Variants in XRCC4 observed in about 807,000 individuals in gnomAD.
XRCC4 encodes X-ray repair cross complementing 4, also known as DNA repair protein XRCC4.
A neutral mutation model predicts 39.1 loss-of-function variants in XRCC4; 28 were observed. That is an observed-to-expected ratio of 0.72 (90% CI 0.53 to 0.98). The LOEUF (loss-of-function observed/expected upper bound fraction) is 0.98, where lower values mean the gene tolerates loss of function less well. Among genes scored for constraint, XRCC4 ranks in the 50% least tolerant of loss-of-function variants. XRCC4 has a pLI of 0.00. For missense variants in XRCC4, 350 were observed against 376.4 expected (o/e 0.93, Z 0.58); for synonymous variants, 123 against 126.4 (o/e 0.97, Z 0.18).
At chr5:83,142,897 G>T (rs1459420448) in intron 3 of XRCC4, among the ~76,000 whole-genome samples, 2 of 152,076 alleles carry the variant, frequency 1.3e-5, no homozygotes, top group African/African-American at 2.4e-5. Context: ...GAAATTATTT[G>T]TTTAAATAAT....
intron 1 of XRCC4, among the ~76,000 whole-genome samples, chr5:83,079,725 G>T (rs1361846677): frequency 4.6e-5 from 7 of 151,920 alleles, no homozygotes; most frequent in Non-Finnish European, 8.8e-5. Flanking sequence ...TGTAGAGACA[G>T]GGCTCACTAT....
intron 7 of XRCC4, among the ~76,000 whole-genome samples, chr5:83,288,191 G>T (rs1754798715): frequency 6.6e-6 from 1 of 151,866 alleles, no homozygotes; most frequent in African/African-American, 2.4e-5. Context: ...ACAGAATGTG[G>T]TCTGTCTCTG....
At chr5:83,214,855 T>G (rs28760880) in intron 6 of XRCC4, among the ~76,000 whole-genome samples, 1 of 130,762 alleles carries the variant, frequency 7.6e-6, no homozygotes, top group Admixed American at 8.0e-5. Flanking sequence ...AAAATAATAA[T>G]AATAAAAATA....
At chr5:83,096,315 A>G (rs922232513) in intron 1 of XRCC4, among the ~76,000 whole-genome samples, 1 of 151,852 alleles carries the variant, frequency 6.6e-6, no homozygotes, top group Non-Finnish European at 1.5e-5. Flanking sequence ...GGAACCACAG[A>G]TGAGGGGGGC....
At chr5:83,187,811 C>A (rs1238141646) in intron 3 of XRCC4, among the ~76,000 whole-genome samples, 1 of 152,116 alleles carries the variant, frequency 6.6e-6, no homozygotes, top group East Asian at 1.9e-4. Context: ...GGCTGTTGAA[C>A]ACTAAAATGT....
chr5:83,343,867 A>T (rs1351307311), intron 7 of XRCC4, among the ~76,000 whole-genome samples: 1 of 152,004 alleles, frequency 6.6e-6, no homozygotes, highest in East Asian at 1.9e-4. Flanking sequence ...TTGTTAACCT[A>T]CTCAAAATAT....
intron 3 of XRCC4, among the ~76,000 whole-genome samples, chr5:83,144,521 T>TTTTG (rs143945470): frequency 0.43 from 55,484 of 129,550 alleles, 13,327 homozygotes; most frequent in African/African-American, 0.53. Context: ...ATGTTTTCTT[T>TTTTG]TTTGTTTGTT....
intron 6 of XRCC4, among the ~76,000 whole-genome samples, chr5:83,243,100 G>A (rs1407566935): frequency 6.6e-6 from 1 of 152,082 alleles, no homozygotes; most frequent in African/African-American, 2.4e-5. Flanking sequence ...TGGAATAATA[G>A]TCTAGAAGTA....
intron 7 of XRCC4, among the ~76,000 whole-genome samples, chr5:83,295,387 C>T (rs1322104427): frequency 6.6e-6 from 1 of 152,022 alleles, no homozygotes; most frequent in East Asian, 1.9e-4. Context: ...AAAAGGCACC[C>T]ACGTCGTCAT....
At chr5:83,160,809 C>G (rs1325374846) in intron 3 of XRCC4, among the ~76,000 whole-genome samples, 2 of 151,904 alleles carry the variant, frequency 1.3e-5, no homozygotes, top group Non-Finnish European at 2.9e-5. Context: ...CCTCTACCCA[C>G]CCCGCCACCC....
At chr5:83,209,570 T>C (rs1751559916) in intron 6 of XRCC4, among the ~76,000 whole-genome samples, 1 of 152,086 alleles carries the variant, frequency 6.6e-6, no homozygotes, top group African/African-American at 2.4e-5. Flanking sequence ...AGTGGAAAAT[T>C]TGAATTTATA....
intron 3 of XRCC4, among the ~76,000 whole-genome samples, chr5:83,162,782 A>G (rs1749276493): frequency 6.6e-6 from 1 of 152,176 alleles, no homozygotes; most frequent in Non-Finnish European, 1.5e-5. Flanking sequence ...GAGGACTTTC[A>G]TCTTGTCCCT....
At chr5:83,177,517 C>T (rs528456917) in intron 3 of XRCC4, among the ~76,000 whole-genome samples, 2 of 147,744 alleles carry the variant, frequency 1.4e-5, no homozygotes, top group Admixed American at 6.9e-5. Context: ...CATTGAGAAA[C>T]GTGATGAACA....
downstream of XRCC4, among the ~76,000 whole-genome samples, chr5:83,357,733 C>T (rs1033400837): frequency 6.6e-6 from 1 of 152,080 alleles, no homozygotes; most frequent in Non-Finnish European, 1.5e-5. Context: ...GTATGAGCTG[C>T]CAAAAAATCG....
intron 3 of XRCC4, among the ~76,000 whole-genome samples, chr5:83,137,546 G>A (rs952732971): frequency 3.3e-5 from 5 of 152,072 alleles, no homozygotes; most frequent in Non-Finnish European, 5.9e-5. Context: ...TCTGTAACCC[G>A]TTCTTGGCAT....
intron 7 of XRCC4, chr5:83,310,705 T>C: frequency 2.3e-6 from 1 of 443,782 alleles, no homozygotes; most frequent in Non-Finnish European, 4.5e-6. Context: ...TTTGCAGCTG[T>C]GATTAAATTA....
intron 6 of XRCC4, among the ~76,000 whole-genome samples, chr5:83,240,000 A>G (rs1580411474): frequency 1.3e-5 from 2 of 149,886 alleles, no homozygotes; most frequent in South Asian, 2.1e-4. Context: ...TCTACAGAGG[A>G]AAAAAAAACA....
intron 6 of XRCC4, among the ~76,000 whole-genome samples, chr5:83,207,450 A>C (rs1751463406): frequency 6.6e-6 from 1 of 151,990 alleles, no homozygotes; most frequent in African/African-American, 2.4e-5. Context: ...TACACATATG[A>C]TCTATAGGTC....
At chr5:83,329,971 G>A (rs537854806) in intron 7 of XRCC4, among the ~76,000 whole-genome samples, 2 of 152,174 alleles carry the variant, frequency 1.3e-5, no homozygotes, top group Non-Finnish European at 1.5e-5. Context: ...CGGTTGTATT[G>A]TGCTTAAGTA....
Sources: gnomAD v4.1 joint callset for allele counts (sites outside exome capture counted in the v4.1 genomes callset) on GRCh38, gnomAD v4.1.1 for gene constraint, MANE v1.5 for transcripts, NCBI Gene and HGNC (gene_info 2026-07-23, HGNC 2026-07-21) for gene names.